Variants in CMIP observed in about 807,000 individuals in gnomAD.
CMIP encodes C-Maf-inducing protein.
CMIP carries 13 observed loss-of-function variants against 97.3 expected under a neutral mutation model. The observed-to-expected ratio is 0.13, with a 90% CI of 0.09 to 0.21. The LOEUF (loss-of-function observed/expected upper bound fraction) is 0.21. Among genes scored for constraint, CMIP ranks in the 10% least tolerant of loss-of-function variants. CMIP has a pLI of 1.00. For missense variants in CMIP, 847 were observed against 1,024.9 expected, an observed-to-expected ratio of 0.83 and a Z score of 2.37; for synonymous variants, 538 against 436.3, an observed-to-expected ratio of 1.23 and a Z score of -2.91.
Position 81,663,188 on chromosome 16 carries a change from C to T in CMIP, c.745-1081C>T, listed in dbSNP as rs545173754. Among the ~76,000 whole-genome samples the T allele has an allele frequency of 1.6e-4, 24 of 152,066 alleles. No homozygotes were observed. In the East Asian group the frequency reaches 3.7e-3, roughly 23 times the overall value. ...CCTGTCCACACAAACATCTACATGC[C>T]GACGTTACAGCAGCTGTATTCATGA... is the stretch of plus-strand genomic sequence containing the variant. On this transcript the variant is annotated intron_variant, in intron 6 of 20. Coordinates refer to ENST00000537098, the MANE Select transcript of CMIP (RefSeq NM_198390.3).
intron 1 of CMIP, among the ~76,000 whole-genome samples, chr16:81,593,521 C>T (rs2091498168): frequency 6.6e-6 from 1 of 152,240 alleles, no homozygotes; most frequent in African/African-American, 2.4e-5. Flanking sequence ...ACCAGGCCGA[C>T]TCCAAGCCGG....
intron 9 of CMIP, among the ~76,000 whole-genome samples, chr16:81,676,803 C>T (rs1904326142): frequency 1.3e-5 from 2 of 152,264 alleles, no homozygotes; most frequent in South Asian, 4.1e-4. Flanking sequence ...TCACGTGCCC[C>T]CTCCCACCCC....
chr16:81,589,515 T>C (rs957968136), intron 1 of CMIP, among the ~76,000 whole-genome samples: 6 of 148,178 alleles, frequency 4.0e-5, no homozygotes, highest in African/African-American at 1.3e-4. Flanking sequence ...CTATGGCGAG[T>C]GCTTATGGGC....
At chr16:81,524,866 T>C (rs1217227614) in intron 1 of CMIP, among the ~76,000 whole-genome samples, 1 of 151,670 alleles carries the variant, frequency 6.6e-6, no homozygotes, top group Non-Finnish European at 1.5e-5. Context: ...CTATCTTGGC[T>C]CACTGCAACC....
intron 1 of CMIP, among the ~76,000 whole-genome samples, chr16:81,448,002 G>T (rs1044307874): frequency 8.5e-5 from 13 of 152,224 alleles, no homozygotes; most frequent in Non-Finnish European, 1.5e-5. Context: ...GTTTTATAGT[G>T]CGGCCCAAGC....
At chr16:81,520,565 A>AGGGG (rs1491368675) in intron 1 of CMIP, 21 of 119,284 alleles carry the variant, frequency 1.8e-4, no homozygotes, top group African/African-American at 5.9e-4. Context: ...GGAGGGAGGA[A>AGGGG]GGGGGAGAGA....
chr16:81,500,301 T>TCCTTCCTTCCTTCCTG (rs1200431349), intron 1 of CMIP, among the ~76,000 whole-genome samples: 12 of 133,402 alleles, frequency 9.0e-5, no homozygotes. Context: ...CTTCCTTCCT[T>TCCTTCCTTCCTTCCTG]CCTGCCTCCC....
In CMIP at chr16:81,709,880, GGGGTCCCACCCT is replaced by G; in HGVS notation, c.*84_*95del. 6.6e-7 allele frequency: 1 copy of G among 1,503,762 alleles called. No homozygotes were observed. The highest frequency in any genetic ancestry group is 9.1e-7 in the Non-Finnish European group (1 of 1,097,726). 93.2% of individuals were successfully genotyped at this position (1,503,762 alleles called of 1,614,324 possible). On this transcript the variant is annotated 3_prime_UTR_variant, in exon 21 of 21. Coordinates refer to ENST00000537098, the MANE Select transcript of CMIP (RefSeq NM_198390.3). ...TAACAGCCGCAGAGCAGCCGGTCCT[GGGGTCCCACCCT>G]GGTGCCCTGGCTGTGAGATAGATGG...
At chr16:81,667,801 T>TGTGG (rs2092624961) in intron 7 of CMIP, among the ~76,000 whole-genome samples, 1 of 73,786 alleles carries the variant, frequency 1.4e-5, no homozygotes. Flanking sequence ...AGAGAGAGAG[T>TGTGG]GTGTGTGTGT....
intron 4 of CMIP, among the ~76,000 whole-genome samples, chr16:81,656,064 A>C (rs2092477722): frequency 6.6e-6 from 1 of 152,200 alleles, no homozygotes; most frequent in Non-Finnish European, 1.5e-5. Flanking sequence ...TAAAGAAAAA[A>C]AGCGTGTTCA....
chr16:81,581,867 A>G (rs1465077640), intron 1 of CMIP, among the ~76,000 whole-genome samples: 4 of 152,126 alleles, frequency 2.6e-5, no homozygotes, highest in African/African-American at 4.8e-5. Context: ...GGGGCCTTGT[A>G]TTAATCAGTT....
chr16:81,615,323 T>G (rs2091898777), intron 2 of CMIP, among the ~76,000 whole-genome samples: 1 of 145,396 alleles, frequency 6.9e-6, no homozygotes, highest in South Asian at 2.2e-4. Flanking sequence ...GTGTATGGTG[T>G]GTGTGGTGTA....
intron 3 of CMIP, among the ~76,000 whole-genome samples, chr16:81,640,824 G>A (rs1280028913): frequency 2.0e-5 from 3 of 151,332 alleles, no homozygotes; most frequent in Non-Finnish European, 2.9e-5. Context: ...ACTGGATTTA[G>A]GGCCAACTCT....
At chr16:81,564,126 C>T (rs1204922412) in intron 1 of CMIP, among the ~76,000 whole-genome samples, 2 of 152,232 alleles carry the variant, frequency 1.3e-5, no homozygotes, top group African/African-American at 2.4e-5. Context: ...CAGGTGGTGA[C>T]ATCACAGTGG....
chr16:81,459,835 T>G (rs988038224), intron 1 of CMIP, among the ~76,000 whole-genome samples: 1 of 152,162 alleles, frequency 6.6e-6, no homozygotes, highest in South Asian at 2.1e-4. Flanking sequence ...TGCTGCTTCT[T>G]TGGGGAATTG....
intron 3 of CMIP, among the ~76,000 whole-genome samples, chr16:81,638,236 T>A (rs2092261376): frequency 6.6e-6 from 1 of 152,192 alleles, no homozygotes; most frequent in African/African-American, 2.4e-5. Context: ...GATCTCCCCA[T>A]CTCAAGATCC....
chr16:81,567,667 A>C (rs971781001), intron 1 of CMIP, among the ~76,000 whole-genome samples: 4 of 152,110 alleles, frequency 2.6e-5, no homozygotes, highest in African/African-American at 9.7e-5. Flanking sequence ...ACAGTATGCC[A>C]CGCCGCCCTC....
At chr16:81,687,764 G>A (rs1415691227) in intron 10 of CMIP, among the ~76,000 whole-genome samples, 1 of 152,166 alleles carries the variant, frequency 6.6e-6, no homozygotes, top group Non-Finnish European at 1.5e-5. Flanking sequence ...CCAGCTTTTG[G>A]GGGCAAGAGT....
intron 1 of CMIP, among the ~76,000 whole-genome samples, chr16:81,594,820 C>T (rs1007358710): frequency 9.9e-5 from 13 of 131,306 alleles, no homozygotes; most frequent in Middle Eastern, 5.3e-3. Context: ...TGAGTAGAGA[C>T]GGGGTTTTAG....
Sources: allele counts gnomAD v4.1 joint callset (sites outside exome capture counted in the v4.1 genomes callset), GRCh38; gene constraint gnomAD v4.1.1; transcripts MANE v1.5; gene names NCBI Gene and HGNC (gene_info 2026-07-23, HGNC 2026-07-21).